Variants in GAREM1 observed in about 807,000 individuals in gnomAD.
GAREM1 encodes GRB2 associated regulator of MAPK1 subtype 1.
A neutral mutation model predicts 71.3 loss-of-function variants in GAREM1; 26 were observed. That is an observed-to-expected ratio of 0.36 (90% CI 0.27 to 0.51). The LOEUF is 0.51. Ranked by LOEUF, GAREM1 falls within the 20% of genes least tolerant of loss-of-function variation. The pLI is 0.95. For synonymous variants in GAREM1, 440 were observed against 433.2 expected, an observed-to-expected ratio of 1.02 and a Z score of -0.20; for missense variants, 1,026 against 1,103.1, an observed-to-expected ratio of 0.93 and a Z score of 0.99.
At chr18:32,300,526 C>G (rs2047188393) in intron 3 of GAREM1, among the ~76,000 whole-genome samples, 1 of 152,036 alleles carries the variant, frequency 6.6e-6, no homozygotes, top group Non-Finnish European at 1.5e-5. Context: ...AAAACATGAC[C>G]AGGAGGATGG....
At chr18:32,336,988 C>T (rs1199847676) in intron 2 of GAREM1, among the ~76,000 whole-genome samples, 1 of 152,180 alleles carries the variant, frequency 6.6e-6, no homozygotes, top group African/African-American at 2.4e-5. Flanking sequence ...ACTGCTAAAA[C>T]TATACAGTCT....
At chr18:32,271,064 C>T (rs1191572939) in intron 4 of GAREM1, among the ~76,000 whole-genome samples, 2 of 151,842 alleles carry the variant, frequency 1.3e-5, no homozygotes, top group Non-Finnish European at 2.9e-5. Context: ...CGCCAGTACA[C>T]CTGACTAATT....
chr18:32,367,669 C>T (rs566344066), intron 2 of GAREM1, among the ~76,000 whole-genome samples: 11 of 152,254 alleles, frequency 7.2e-5, no homozygotes, highest in East Asian at 5.8e-4. Context: ...ACTGGCCACT[C>T]GCTTAGGTTT....
At chr18:32,351,831 C>T (rs2047756372) in intron 2 of GAREM1, among the ~76,000 whole-genome samples, 1 of 151,954 alleles carries the variant, frequency 6.6e-6, no homozygotes, top group South Asian at 2.1e-4. Flanking sequence ...AAATTCTCAG[C>T]ATATTCTTTG....
rs183526592 is a variant in GAREM1 at position 32,292,285 on chromosome 18, T to C, written c.394-4082A>G. On this transcript the variant is annotated intron_variant, in intron 3 of 5. Coordinates refer to ENST00000269209, the MANE Select transcript of GAREM1 (RefSeq NM_001242409.2). Reference sequence around the variant, plus strand: ...TTCATATGTTTGTTGGCTGCATAAATGTCTTCTTTTGAGAAGTGTTTGTTC... The same window carrying C: ...TTCATATGTTTGTTGGCTGCATAAACGTCTTCTTTTGAGAAGTGTTTGTTC... Among the ~76,000 whole-genome samples, 26 of 152,330 alleles carry C rather than the reference T, an allele frequency of 1.7e-4. No homozygotes were observed. The East Asian group carries it at 4.8e-3, about 28-fold the overall frequency.
At chr18:32,461,829 G>A (rs2144312774) in intron 1 of GAREM1, among the ~76,000 whole-genome samples, 1 of 152,300 alleles carries the variant, frequency 6.6e-6, no homozygotes, top group Admixed American at 6.5e-5. Flanking sequence ...GAGTCCTGCT[G>A]AAGATGCATG....
Position 32,470,854 on chromosome 18 carries a change from A to G in GAREM1, c.-426T>C, listed in dbSNP as rs547546359. On this transcript the variant is annotated 5_prime_UTR_variant, in exon 1 of 6. Coordinates refer to ENST00000269209, the MANE Select transcript of GAREM1 (RefSeq NM_001242409.2). The surrounding 1 kb of genome is among the most constrained non-coding windows in gnomAD (Gnocchi z 4.4). The stretch of plus-strand genomic sequence containing the variant: ...TGAGGAGGAGCCGCGGGTCTGAGAA[A>G]CGCCATAGCAGCGCTCCCAGCACTG... 3.3e-5 allele frequency among the ~76,000 whole-genome samples: 5 copies of G among 150,408 alleles called. No individual in the cohort carries two copies. The East Asian group carries it at 5.9e-4, about 18-fold the overall frequency.
chr18:32,440,997 ATCTTTT>A (rs1009304014), intron 1 of GAREM1, among the ~76,000 whole-genome samples: 13 of 152,362 alleles, frequency 8.5e-5, no homozygotes, highest in African/African-American at 2.9e-4. Context: ...ATTTTATGAC[ATCTTTT>A]TCTTTCTTAG....
chr18:32,323,665 CGCCACTGCACTCCA>C (rs766688227), intron 2 of GAREM1, among the ~76,000 whole-genome samples: 16 of 152,230 alleles, frequency 1.1e-4, no homozygotes, highest in Non-Finnish European at 2.1e-4. Flanking sequence ...GCCAAAATTG[CGCCACTGCACTCCA>C]GCCTGGGCGA....
At position 32,268,274 on chromosome 18, in the gene GAREM1, G is replaced by A; in HGVS notation, c.2228C>T (p.Pro743Leu). Residue 743 changes from proline to leucine, a missense_variant, in exon 6 of 6, where the codon CCT (proline) becomes CTT (leucine). This residue lies in a region of GAREM1 where 636 missense variants were observed against 631.2 expected (regional missense o/e 1.01). Coordinates refer to ENST00000269209, the MANE Select transcript of GAREM1 (RefSeq NM_001242409.2). ...VEEKVASETSPLPLKIDGAEE... is the reference protein window; with the variant it reads ...VEEKVASETSLLPLKIDGAEE... ...AGCACCATCAATTTTCAGAGGCAAA[G>A]GAGATGTTTCGGAGGCGACCTTCTC... 1 of 1,614,132 alleles carries A rather than the reference G, an allele frequency of 6.2e-7. No homozygotes were observed. Among genetic ancestry groups the A allele is most frequent in the African/African-American group, 1.3e-5 (1 of 75,028 alleles).
chr18:32,353,839 GGAA>G (rs1171043027), intron 2 of GAREM1, among the ~76,000 whole-genome samples: 1 of 152,018 alleles, frequency 6.6e-6, no homozygotes, highest in Non-Finnish European at 1.5e-5. Flanking sequence ...AGACTTAATA[GGAA>G]GAAGGAGAAG....
intron 1 of GAREM1, among the ~76,000 whole-genome samples, chr18:32,425,001 A>G (rs1240901375): frequency 6.6e-6 from 1 of 152,190 alleles, no homozygotes; most frequent in East Asian, 1.9e-4. Flanking sequence ...AAGGCACTTA[A>G]AATTCTGTAC....
At chr18:32,335,432 G>A (rs1266502362) in intron 2 of GAREM1, among the ~76,000 whole-genome samples, 1 of 152,136 alleles carries the variant, frequency 6.6e-6, no homozygotes, top group Admixed American at 6.5e-5. Context: ...GTCCTTACTG[G>A]TCTCATTATG....
At chr18:32,355,839 C>G (rs184846266) in intron 2 of GAREM1, among the ~76,000 whole-genome samples, 97 of 152,030 alleles carry the variant, frequency 6.4e-4, no homozygotes, top group African/African-American at 2.3e-3. Context: ...AATCATTGGA[C>G]AAAAAAGAAT....
intron 1 of GAREM1, among the ~76,000 whole-genome samples, chr18:32,458,163 A>T (rs980000673): frequency 6.6e-6 from 1 of 152,140 alleles, no homozygotes; most frequent in Non-Finnish European, 1.5e-5. Context: ...AAAAATAATT[A>T]AATATTTTTA....
At chr18:32,389,994 T>C (rs1599012255) in intron 2 of GAREM1, among the ~76,000 whole-genome samples, 1 of 152,004 alleles carries the variant, frequency 6.6e-6, no homozygotes, top group African/African-American at 2.4e-5. Flanking sequence ...AAGCGAGAAC[T>C]GGTATCTACA....
chr18:32,364,011 TATATATATATATATATG>T (rs1455160027), intron 2 of GAREM1, among the ~76,000 whole-genome samples: 73 of 57,484 alleles, frequency 1.3e-3, no homozygotes, highest in African/African-American at 5.6e-3. Context: ...TATATATATA[TATATATATATATATATG>T]TTTTTTTTTT....
At chr18:32,401,328 TA>T (rs1272368872) in intron 1 of GAREM1, among the ~76,000 whole-genome samples, 2 of 149,860 alleles carry the variant, frequency 1.3e-5, no homozygotes, top group Non-Finnish European at 3.0e-5. Context: ...AGTATAAAAA[TA>T]AAAAATAATA....
intron 1 of GAREM1, among the ~76,000 whole-genome samples, chr18:32,425,215 T>A (rs546306506): frequency 3.3e-5 from 5 of 152,154 alleles, no homozygotes; most frequent in African/African-American, 9.6e-5. Flanking sequence ...ACTTTAAAAA[T>A]ATATATTTTT....
Sources: gnomAD v4.1 joint callset for allele counts (sites outside exome capture counted in the v4.1 genomes callset) on GRCh38, gnomAD v4.1.1 for gene constraint, gnomAD v4.1.1 regional missense constraint, Gnocchi (gnomAD v3.1) non-coding constraint, MANE v1.5 for transcripts, NCBI Gene and HGNC (gene_info 2026-07-23, HGNC 2026-07-21) for gene names.